The following AUTS2 variants were observed in gnomAD, a reference collection of about 807,000 sequenced individuals.
AUTS2 encodes the protein autism susceptibility gene 2 protein.
In AUTS2, 17 loss-of-function variants were observed where a neutral mutation model predicts 112.4. That is an observed-to-expected ratio of 0.15 (90% CI 0.10 to 0.23). The LOEUF is 0.23. Among genes scored for constraint, AUTS2 ranks in the 10% least tolerant of loss-of-function variants. The pLI is 1.00. For synonymous variants in AUTS2, 751 were observed against 702.7 expected (o/e 1.07, Z -1.09); for missense variants, 1,510 against 1,701.6 (o/e 0.89, Z 1.98).
intron 5 of AUTS2, among the ~76,000 whole-genome samples, chr7:70,514,411 G>C (rs1282109446): frequency 6.6e-6 from 1 of 152,210 alleles, no homozygotes. Flanking sequence ...GGCTTCTGGT[G>C]AGGCCTCAGG....
chr7:70,747,949 G>C lies in AUTS2; in HGVS notation c.743-14921G>C, dbSNP rs1005425530. On this transcript the variant is annotated intron_variant, in intron 6 of 18. Coordinates refer to ENST00000342771, the MANE Select transcript of AUTS2 (RefSeq NM_015570.4). ...CCATTGTCCTGCCTCAGCGTCCCCA[G>C]TAGCTGGGACTATAGGCACCTGCCA... 1.4e-4 allele frequency among the ~76,000 whole-genome samples: 21 copies of C among 150,046 alleles called. 1 individual carries two copies. The highest frequency in any genetic ancestry group is 2.4e-4 in the Non-Finnish European group (16 of 67,752).
chr7:69,729,897 G>A (rs540745417), intron 1 of AUTS2, among the ~76,000 whole-genome samples: 1 of 149,992 alleles, frequency 6.7e-6, no homozygotes, highest in East Asian at 2.0e-4. Context: ...TTATTTTTGT[G>A]CACAAATTTG....
intron 1 of AUTS2, among the ~76,000 whole-genome samples, chr7:69,848,538 C>T (rs1315802670): frequency 1.3e-5 from 2 of 152,150 alleles, no homozygotes; most frequent in Non-Finnish European, 2.9e-5. Flanking sequence ...CCCATGCCCT[C>T]CCAGGTACAG....
At chr7:70,330,131 A>G (rs1474734556) in intron 4 of AUTS2, among the ~76,000 whole-genome samples, 2 of 152,238 alleles carry the variant, frequency 1.3e-5, no homozygotes, top group Admixed American at 6.5e-5. Context: ...AGAACATAGC[A>G]AAGTCCAGTT....
chr7:69,967,502 C>T (rs1332034931), intron 2 of AUTS2, among the ~76,000 whole-genome samples: 1 of 152,082 alleles, frequency 6.6e-6, no homozygotes, highest in Admixed American at 6.6e-5. Context: ...AGCAAGATCA[C>T]ACACAGTGTT....
At chr7:69,878,569 G>A (rs992282352) in intron 1 of AUTS2, among the ~76,000 whole-genome samples, 4 of 152,104 alleles carry the variant, frequency 2.6e-5, no homozygotes, top group Non-Finnish European at 5.9e-5. Context: ...CAGTGAAAAC[G>A]GATGGTTCTT....
chr7:70,613,607 C>T (rs1804207605), intron 5 of AUTS2, among the ~76,000 whole-genome samples: 1 of 151,940 alleles, frequency 6.6e-6, no homozygotes, highest in Non-Finnish European at 1.5e-5. Flanking sequence ...CAGTGTTGAC[C>T]CCAGGGATGG....
chr7:70,692,347 T>C (rs1239131827), intron 5 of AUTS2, among the ~76,000 whole-genome samples: 2 of 152,344 alleles, frequency 1.3e-5, no homozygotes, highest in South Asian at 2.1e-4. Flanking sequence ...CCGATTTTGC[T>C]AGAACAACAA....
At chr7:70,127,348 G>T (rs1469478023) in intron 3 of AUTS2, among the ~76,000 whole-genome samples, 1 of 152,076 alleles carries the variant, frequency 6.6e-6, no homozygotes, top group Admixed American at 6.6e-5. Flanking sequence ...TGGCCAGGCT[G>T]GTCTCGAGCT....
At chr7:69,669,324 C>CATGT (rs1423500554) in intron 1 of AUTS2, among the ~76,000 whole-genome samples, 2 of 151,698 alleles carry the variant, frequency 1.3e-5, no homozygotes, top group Non-Finnish European at 2.9e-5. Context: ...AGAATGCATA[C>CATGT]ATGTATGTAT....
At chr7:69,718,197 C>T (rs1177855988) in intron 1 of AUTS2, among the ~76,000 whole-genome samples, 1 of 152,178 alleles carries the variant, frequency 6.6e-6, no homozygotes, top group Non-Finnish European at 1.5e-5. Flanking sequence ...AAATATTAGA[C>T]ATTTTCTTAG....
intron 2 of AUTS2, among the ~76,000 whole-genome samples, chr7:69,908,620 C>T (rs2129541565): frequency 6.6e-6 from 1 of 152,328 alleles, no homozygotes; most frequent in South Asian, 2.1e-4. Flanking sequence ...CACAGCTCTG[C>T]AGAAGCTGCC....
intron 4 of AUTS2, among the ~76,000 whole-genome samples, chr7:70,195,473 C>G (rs1169909705): frequency 6.6e-6 from 1 of 152,042 alleles, no homozygotes; most frequent in African/African-American, 2.4e-5. Flanking sequence ...ATGGTGAAAC[C>G]CTGTCTCTAC....
At chr7:70,562,207 C>A (rs1801517848) in intron 5 of AUTS2, among the ~76,000 whole-genome samples, 1 of 152,198 alleles carries the variant, frequency 6.6e-6, no homozygotes, top group East Asian at 1.9e-4. Flanking sequence ...CTCAGGTATT[C>A]CTTTATAGCA....
At chr7:70,332,392 G>A (rs1168246816) in intron 4 of AUTS2, among the ~76,000 whole-genome samples, 1 of 152,094 alleles carries the variant, frequency 6.6e-6, no homozygotes, top group Admixed American at 6.5e-5. Context: ...ACTGCCCAAA[G>A]TAATTTATAG....
At chr7:69,607,941 T>A (rs1456209911) in intron 1 of AUTS2, among the ~76,000 whole-genome samples, 1 of 152,168 alleles carries the variant, frequency 6.6e-6, no homozygotes, top group African/African-American at 2.4e-5. Flanking sequence ...TTTCTTTTAT[T>A]TTGTTTTTTT....
chr7:70,070,502 C>G (rs527406738), intron 2 of AUTS2, among the ~76,000 whole-genome samples: 1 of 151,900 alleles, frequency 6.6e-6, no homozygotes, highest in South Asian at 2.1e-4. Flanking sequence ...TCGCTTGAAC[C>G]CGGGAGGCGG....
Position 70,766,374 on chromosome 7 carries a change from C to G in AUTS2, c.1689+40C>G, listed in dbSNP as rs753928270. 25 of 1,605,454 alleles carry G rather than the reference C, an allele frequency of 1.6e-5. No individual in the cohort carries two copies. Among genetic ancestry groups the G allele is most frequent in the Non-Finnish European group, 2.1e-5 (25 of 1,173,930 alleles). ...CAGAAATGTGAGGATAAGTAGAGCA[C>G]GACTCTTTTCTTTATGCAGCACGTG... is the stretch of plus-strand genomic sequence containing the variant. On this transcript the variant is annotated intron_variant, in intron 9 of 18. Transcript: ENST00000342771. The surrounding 1 kb of genome is among the most constrained non-coding windows in gnomAD (Gnocchi z 4.8).
rs138693563 is a variant in AUTS2 at position 69,836,664 on chromosome 7, G to A, written c.310-62622G>A. Among the ~76,000 whole-genome samples, 14 of 152,184 alleles carry A rather than the reference G, an allele frequency of 9.2e-5. No homozygotes were observed. In the East Asian group the frequency reaches 2.5e-3, roughly 27 times the overall value. ...AAAGTCACCAGACTAAACTCCTCAG[G>A]AACAATGACAGAGAGTTTTGCCATG... On this transcript the variant is annotated intron_variant, in intron 1 of 18. Transcript: ENST00000342771.
Sources: gnomAD v4.1 joint callset for allele counts (sites outside exome capture counted in the v4.1 genomes callset) on GRCh38, gnomAD v4.1.1 for gene constraint, Gnocchi (gnomAD v3.1) non-coding constraint, MANE v1.5 for transcripts, NCBI Gene and HGNC (gene_info 2026-07-23, HGNC 2026-07-21) for gene names.